Variants in RGPD2 observed in about 807,000 individuals in gnomAD.
RGPD2 encodes RANBP2-like and GRIP domain-containing protein 2.
In RGPD2, 2 loss-of-function variants were observed where a neutral mutation model predicts 36.0. That is an observed-to-expected ratio of 0.06 (90% CI 0.02 to 0.17). The LOEUF (loss-of-function observed/expected upper bound fraction) is 0.17. Among genes scored for constraint, RGPD2 ranks in the 10% least tolerant of loss-of-function variants. RGPD2 has a pLI of 1.00. For synonymous variants in RGPD2, 19 were observed against 163.8 expected, an observed-to-expected ratio of 0.12 and a Z score of 6.75; for missense variants, 40 against 464.3, an observed-to-expected ratio of 0.09 and a Z score of 8.40.
the RGPD2 span, among the ~76,000 whole-genome samples, chr2:87,932,926 T>A: frequency 7.2e-6 from 1 of 139,414 alleles, no homozygotes; most frequent in South Asian, 2.4e-4. Flanking sequence ...TGGTTATGTG[T>A]CTTGGTGATG....
the RGPD2 span, among the ~76,000 whole-genome samples, chr2:87,934,354 C>G: frequency 6.9e-6 from 1 of 145,536 alleles, no homozygotes; most frequent in Non-Finnish European, 1.5e-5. Context: ...CAGATGTATC[C>G]TTAGTCATAT....
chr2:87,966,220 G>C, the RGPD2 span, among the ~76,000 whole-genome samples: 1 of 152,212 alleles, frequency 6.6e-6, no homozygotes, highest in African/African-American at 2.4e-5. Context: ...CTCCAGAGCT[G>C]TATATGCCAC....
the RGPD2 span, among the ~76,000 whole-genome samples, chr2:87,872,854 G>A: frequency 2.0e-5 from 3 of 151,832 alleles, no homozygotes; most frequent in African/African-American, 4.9e-5. Flanking sequence ...CTGCTTCCCG[G>A]GTTCAAGTAA....
the RGPD2 span, among the ~76,000 whole-genome samples, chr2:87,847,358 A>G: frequency 1.3e-5 from 2 of 152,206 alleles, no homozygotes; most frequent in African/African-American, 4.8e-5. Context: ...CAAAGTGATT[A>G]GCATGTTTTG....
At chr2:87,986,401 G>A in the RGPD2 span, among the ~76,000 whole-genome samples, 1 of 150,036 alleles carries the variant, frequency 6.7e-6, no homozygotes, top group Admixed American at 6.7e-5. Flanking sequence ...CCAAAGCACT[G>A]GGATTACAGG....
At chr2:87,913,309 C>T in the RGPD2 span, among the ~76,000 whole-genome samples, 8 of 151,304 alleles carry the variant, frequency 5.3e-5, no homozygotes, top group African/African-American at 9.8e-5. Context: ...AACCAAACAC[C>T]GCATGTTCTC....
rs772862123 is a variant in RGPD2, at chr2:87,825,670, C to T, written c.60G>A (p.Pro20=). ...RYLASVQGSA[P]SPGKKLRGFY... is the part of the protein sequence containing the mutation. The stretch of plus-strand genomic sequence containing the variant: ...GAGATCCACTCACCTTTCCAGGCGA[C>T]GGGGCGGAGCCCTGCACCGAGGCGA... The change falls in exon 1 of 23, where the codon CCG becomes CCA. Residue 20 remains proline (P), a synonymous_variant. Coordinates refer to ENST00000398146, the MANE Select transcript of RGPD2 (RefSeq NM_001078170.3). The T allele has an allele frequency of 3.8e-6, 6 of 1,588,914 alleles. No individual in the cohort carries two copies. Among genetic ancestry groups the T allele is most frequent in the South Asian group, 1.1e-5 (1 of 87,368 alleles).
At chr2:87,825,400 G>A (rs1310163242) in intron 1 of RGPD2, among the ~76,000 whole-genome samples, 3 of 128,032 alleles carry the variant, frequency 2.3e-5, no homozygotes, top group Non-Finnish European at 5.0e-5. Context: ...CCGCCGCCCG[G>A]CCAGGCCGAG....
the RGPD2 span, among the ~76,000 whole-genome samples, chr2:87,909,131 C>T: frequency 1.3e-5 from 2 of 151,524 alleles, no homozygotes; most frequent in Non-Finnish European, 2.9e-5. Context: ...AGGAGCATTG[C>T]TGATTTGCTG....
At chr2:87,825,098 C>T (rs1558738959) in intron 1 of RGPD2, 1 of 390,008 alleles carries the variant, frequency 2.6e-6, no homozygotes, top group African/African-American at 2.1e-5. Flanking sequence ...ACCCTGAGAA[C>T]CAAAGTGAAC....
rs1574027347 is a variant in RGPD2 at position 87,822,411 on chromosome 2, T to A, written c.72+3247A>T. ...AAACCTTTGTTACCAAGAACAAGAC[T>A]CTCATCAGACTCCTAACAACAGAAC... On this transcript the variant is annotated intron_variant, in intron 1 of 22. Transcript: ENST00000398146. Among the ~76,000 whole-genome samples, 9 of 146,136 alleles carry A rather than the reference T, an allele frequency of 6.2e-5. No homozygotes were observed. In the South Asian group the frequency reaches 2.0e-3, roughly 33 times the overall value.
the RGPD2 span, among the ~76,000 whole-genome samples, chr2:87,978,276 A>G: frequency 2.6e-5 from 4 of 151,460 alleles, no homozygotes; most frequent in African/African-American, 9.7e-5. Context: ...CATATTTTTT[A>G]AAATCTAATT....
the RGPD2 span, among the ~76,000 whole-genome samples, chr2:87,882,471 C>A: frequency 6.6e-6 from 1 of 152,218 alleles, no homozygotes; most frequent in Non-Finnish European, 1.5e-5. Context: ...TATTTTTAGG[C>A]CAGTATCATT....
At chr2:87,855,081 G>A in the RGPD2 span, among the ~76,000 whole-genome samples, 8 of 152,070 alleles carry the variant, frequency 5.3e-5, no homozygotes, top group East Asian at 1.9e-4. Context: ...TCAAGTATAC[G>A]ATATGATATT....
the RGPD2 span, among the ~76,000 whole-genome samples, chr2:87,842,697 T>A: frequency 6.6e-6 from 1 of 151,546 alleles, no homozygotes; most frequent in African/African-American, 2.4e-5. Context: ...CTTCACAGAA[T>A]TGGAAAAAAC....
chr2:87,763,314 C>T (rs1426446434), intron 22 of RGPD2, among the ~76,000 whole-genome samples: 3 of 150,286 alleles, frequency 2.0e-5, no homozygotes, highest in South Asian at 2.1e-4. Flanking sequence ...CCTGCCAACA[C>T]GTCTGGCTAA....
chr2:87,964,007 T>C, the RGPD2 span, among the ~76,000 whole-genome samples: 2 of 151,178 alleles, frequency 1.3e-5, no homozygotes, highest in Non-Finnish European at 2.9e-5. Flanking sequence ...GGCTAATTGT[T>C]GTATTTTTAG....
chr2:87,977,511 G>A, the RGPD2 span, among the ~76,000 whole-genome samples: 2 of 151,064 alleles, frequency 1.3e-5, no homozygotes, highest in East Asian at 3.9e-4. Flanking sequence ...GTGCAAAATG[G>A]TCACTATATA....
chr2:87,879,336 A>T, the RGPD2 span, among the ~76,000 whole-genome samples: 1 of 152,096 alleles, frequency 6.6e-6, no homozygotes, highest in Non-Finnish European at 1.5e-5. Flanking sequence ...ATGTATAATT[A>T]AATTATTATT....
Sources: gnomAD v4.1 joint callset for allele counts (sites outside exome capture counted in the v4.1 genomes callset) on GRCh38, gnomAD v4.1.1 for gene constraint, MANE v1.5 for transcripts, NCBI Gene and HGNC (gene_info 2026-07-23, HGNC 2026-07-21) for gene names.